AP2A2: variants seen among roughly 807,000 people sequenced by gnomAD.
AP2A2 encodes the protein adaptor related protein complex 2 subunit alpha 2.
AP2A2 carries 32 observed loss-of-function variants against 104.2 expected under a neutral mutation model. The observed-to-expected ratio is 0.31, with a 90% CI of 0.23 to 0.41. The LOEUF (loss-of-function observed/expected upper bound fraction) is 0.41, where lower values mean the gene tolerates loss of function less well. Among genes scored for constraint, AP2A2 ranks in the 10% least tolerant of loss-of-function variants. AP2A2 has a pLI of 1.00. For synonymous variants in AP2A2, 539 were observed against 533.3 expected, an observed-to-expected ratio of 1.01 and a Z score of -0.15; for missense variants, 912 against 1,261.0, an observed-to-expected ratio of 0.72 and a Z score of 4.19.
chr11:927,058 T>G (rs1400841949), intron 1 of AP2A2, among the ~76,000 whole-genome samples: 2 of 152,172 alleles, frequency 1.3e-5, no homozygotes, highest in African/African-American at 2.4e-5. Flanking sequence ...AATAGTTGAC[T>G]TCATGATTTT....
chr11:994,122 C>G lies in AP2A2; in HGVS notation c.1833C>G (p.Ile611Met), dbSNP rs777993214. The G allele has an allele frequency of 1.2e-6, 2 of 1,613,114 alleles. No homozygotes were observed. Among genetic ancestry groups the G allele is most frequent in the Non-Finnish European group, 1.7e-6 (2 of 1,179,856 alleles). The change falls in exon 14 of 22, where the codon ATC becomes ATG. Residue 611 changes from isoleucine (I) to methionine (M), a missense_variant. Physicochemically the swap from Ile to Met is conservative, Grantham distance 10 (BLOSUM62 1). This residue lies in a region of AP2A2 where 137 missense variants were observed against 186.9 expected (regional missense o/e 0.73). Transcript: ENST00000448903. ...MPPFPERESS[I>M]LAKLKKKKGP... Reference sequence around the variant, plus strand: ...CATTCCCGGAGCGGGAGTCCTCCATCTTGGCAAAGCTCAAGAAGAAGAAGG... The same window carrying G: ...CATTCCCGGAGCGGGAGTCCTCCATGTTGGCAAAGCTCAAGAAGAAGAAGG...
At chr11:980,984 C>T (rs1014225351) in intron 5 of AP2A2, among the ~76,000 whole-genome samples, 28 of 152,158 alleles carry the variant, frequency 1.8e-4, no homozygotes, top group African/African-American at 6.3e-4. Context: ...CTAAGCATGA[C>T]GGAACTTCCC....
rs533845823 is a variant in AP2A2, at chr11:1,011,657, G to A, written c.*1032G>A. On this transcript the variant is annotated 3_prime_UTR_variant, in exon 22 of 22. Coordinates refer to ENST00000448903, the MANE Select transcript of AP2A2 (RefSeq NM_012305.4). ...CTAGGAGCCAAGGCTGGGGCCTTGCGCTCTGTCCCCAGGATGGTGGCCTTG... is the reference window on the plus strand; with the variant it reads ...CTAGGAGCCAAGGCTGGGGCCTTGCACTCTGTCCCCAGGATGGTGGCCTTG... The A allele has an allele frequency of 4.1e-5, 15 of 364,354 alleles. No homozygotes were observed. The highest frequency in any genetic ancestry group is 2.9e-4 in the East Asian group (4 of 13,632). 22.6% of individuals were successfully genotyped at this position (364,354 alleles called of 1,614,324 possible).
intron 4 of AP2A2, among the ~76,000 whole-genome samples, chr11:975,817 A>G (rs1855012060): frequency 6.6e-6 from 1 of 151,804 alleles, no homozygotes; most frequent in Non-Finnish European, 1.5e-5. Flanking sequence ...GATGCTGGAA[A>G]GTAATGGTGG....
intron 10 of AP2A2, among the ~76,000 whole-genome samples, chr11:990,431 G>A (rs1454290451): frequency 6.6e-6 from 1 of 151,792 alleles, no homozygotes; most frequent in African/African-American, 2.4e-5. Flanking sequence ...CGTCACGGGA[G>A]CCTCGTTCCT....
chr11:989,031 C>A (rs1855557507), intron 10 of AP2A2, among the ~76,000 whole-genome samples: 1 of 147,764 alleles, frequency 6.8e-6, no homozygotes, highest in South Asian at 2.4e-4. Context: ...GTCGTTTGGT[C>A]TTGAAAATAA....
intron 16 of AP2A2, among the ~76,000 whole-genome samples, chr11:1,005,951 TA>T (rs1213465055): frequency 2.0e-5 from 3 of 152,234 alleles, no homozygotes; most frequent in African/African-American, 7.2e-5. Context: ...TTTACTGTGA[TA>T]TAAATAAAAA....
intron 18 of AP2A2, chr11:1,008,449 C>G (rs147528321): frequency 3.2e-6 from 1 of 315,472 alleles, no homozygotes; most frequent in Non-Finnish European, 5.8e-6. Flanking sequence ...ACCTGCCCGG[C>G]TTGGTACCAG....
At chr11:994,876 C>G (rs1224803662) in intron 14 of AP2A2, among the ~76,000 whole-genome samples, 3 of 131,418 alleles carry the variant, frequency 2.3e-5, no homozygotes, top group African/African-American at 8.7e-5. Context: ...ACCCTGCTGG[C>G]CTGTCCCGGG....
chr11:1,000,007 C>T (rs1419210227), intron 14 of AP2A2, among the ~76,000 whole-genome samples: 6 of 151,616 alleles, frequency 4.0e-5, no homozygotes, highest in South Asian at 2.1e-4. Context: ...GGGGTTTCAC[C>T]GTGTTAGCCA....
At chr11:1,000,633 G>T in intron 15 of AP2A2, 35 bp downstream of exon 15, 1 of 1,525,222 alleles carries the variant, frequency 6.6e-7, no homozygotes. Flanking sequence ...AGACAGGCAC[G>T]GGGCTGCCGT....
At chr11:971,292 A>C (rs1374552219) in intron 3 of AP2A2, among the ~76,000 whole-genome samples, 14 of 144,280 alleles carry the variant, frequency 9.7e-5, no homozygotes, top group East Asian at 4.3e-4. Flanking sequence ...AGGGAGGGGA[A>C]GTTAACTGGG....
chr11:991,517 G>A (rs1476409524), intron 10 of AP2A2, among the ~76,000 whole-genome samples: 5 of 152,326 alleles, frequency 3.3e-5, no homozygotes, highest in Non-Finnish European at 4.4e-5. Context: ...AGCACAGGCT[G>A]GGGAGCAGGG....
intron 1 of AP2A2, chr11:933,483 G>C: frequency 2.2e-6 from 1 of 454,184 alleles, no homozygotes; most frequent in Non-Finnish European, 4.4e-6. Flanking sequence ...GGGTGGGATA[G>C]GTTGAGGTGG....
chr11:1,000,613 T>C lies in AP2A2; in HGVS notation c.2123+15T>C. ...AACTTTGCCAGGTAGTCAGGTTTCC[T>C]GAGTCCTGCAGACAGGCACGGGGCT... On this transcript the variant is annotated intron_variant, in intron 15 of 21. Transcript: ENST00000448903. 2.0e-6 allele frequency: 3 copies of C among 1,538,308 alleles called. No individual in the cohort carries two copies. Among genetic ancestry groups the C allele is most frequent in the Non-Finnish European group, 2.6e-6 (3 of 1,147,342 alleles).
intron 18 of AP2A2, 21 bp downstream of exon 18, chr11:1,008,156 C>G (rs1463334702): frequency 6.3e-7 from 1 of 1,583,146 alleles, no homozygotes; most frequent in Admixed American, 1.7e-5. Flanking sequence ...CCTGTGCGCC[C>G]CGGGCCAAGG....
Position 993,455 on chromosome 11 carries a change from G to C in AP2A2, c.1550+74G>C. 1 of 1,091,240 alleles carries C rather than the reference G, an allele frequency of 9.2e-7. No homozygotes were observed. The allele number at this position is 1,091,240 out of a possible 1,614,324, so 67.6% of individuals were successfully genotyped here. A position where few individuals can be genotyped will look rare whatever the true frequency, so the allele number is the denominator to read the frequency against. On this transcript the variant is annotated intron_variant, in intron 12 of 21. Transcript: ENST00000448903. The surrounding 1 kb of genome is among the most constrained non-coding windows in gnomAD (Gnocchi z 8.2). The stretch of plus-strand genomic sequence containing the variant: ...TCGGTGGTCGGTGGCAAGAGGCGAG[G>C]CACCAGCTGGCCCTGCCGTGAGGCC...
At chr11:976,663 C>G (rs1855050351) in intron 4 of AP2A2, among the ~76,000 whole-genome samples, 1 of 152,012 alleles carries the variant, frequency 6.6e-6, no homozygotes, top group African/African-American at 2.4e-5. Flanking sequence ...TGTGGCCCAG[C>G]CCACTGTTCA....
intron 1 of AP2A2, among the ~76,000 whole-genome samples, chr11:957,427 G>A (rs1181512065): frequency 2.0e-5 from 3 of 152,214 alleles, no homozygotes; most frequent in East Asian, 1.9e-4. Context: ...CTATCTGTGC[G>A]GCGTTCCTTC....
Sources: allele counts gnomAD v4.1 joint callset (sites outside exome capture counted in the v4.1 genomes callset), GRCh38; gene constraint gnomAD v4.1.1; regional missense constraint gnomAD v4.1.1; non-coding constraint Gnocchi (gnomAD v3.1); transcripts MANE v1.5; gene names NCBI Gene and HGNC (gene_info 2026-07-23, HGNC 2026-07-21).